The following SEPTIN6 variants were observed in gnomAD, a reference collection of about 807,000 sequenced individuals.
SEPTIN6 encodes septin-6.
Under a neutral mutation model 33.6 loss-of-function variants are expected in SEPTIN6, and 8 were observed. That is an observed-to-expected ratio of 0.24 (90% confidence interval 0.14 to 0.43). SEPTIN6 has a LOEUF of 0.43. Among genes scored for constraint, SEPTIN6 ranks in the 20% least tolerant of loss-of-function variants. The pLI is 1.00. For missense variants in SEPTIN6, 250 were observed against 340.8 expected, an observed-to-expected ratio of 0.73 and a Z score of 2.10; for synonymous variants, 131 against 140.0, an observed-to-expected ratio of 0.94 and a Z score of 0.45.
intron 7 of SEPTIN6, among the ~76,000 whole-genome samples, chrX:119,636,603 CCTGT>C (rs368463240): frequency 1.6e-4 from 18 of 111,376 alleles, no homozygotes; most frequent in African/African-American, 5.5e-4. Flanking sequence ...AGACTAGAAA[CCTGT>C]CTGAGCGCCA....
rs1008184249 is a variant in SEPTIN6 at position 119,619,082 on chromosome X, T to C, written c.*1011A>G. On this transcript the variant is annotated 3_prime_UTR_variant, in exon 11 of 11. Transcript: ENST00000394610. ...TTCTTATTGGGGGATGCATGCAAAA[T>C]GCATGTTAAAAATCATCATGACATT... 11 of 915,246 alleles carry C rather than the reference T, an allele frequency of 1.2e-5. No individual in the cohort carries two copies. In the African/African-American group the frequency reaches 2.1e-4, roughly 17 times the overall value. The allele number at this position is 915,246 out of a possible 1,213,427, so 75.4% of individuals were successfully genotyped here. A position where few individuals can be genotyped will look rare whatever the true frequency, so the allele number is the denominator to read the frequency against.
At position 119,617,184 on chromosome X, in the gene SEPTIN6, G is replaced by A. The variant is rs1218797867; in HGVS notation, c.*2909C>T. 8.7e-6 allele frequency: 7 copies of A among 806,832 alleles called. No homozygotes were observed. The African/African-American group carries it at 1.1e-4, about 13-fold the overall frequency. The allele number at this position is 806,832 out of a possible 1,213,427, so 66.5% of individuals were successfully genotyped here. A position where few individuals can be genotyped will look rare whatever the true frequency, so the allele number is the denominator to read the frequency against. ...GCCACTCCAGTCTGGGAAAATAAAA[G>A]CACAGACCATTTCTAATGACTGGTT... On this transcript the variant is annotated 3_prime_UTR_variant, in exon 11 of 11. Transcript: ENST00000394610.
At chrX:119,634,825 A>C (rs1444660727) in intron 7 of SEPTIN6, among the ~76,000 whole-genome samples, 1 of 109,380 alleles carries the variant, frequency 9.1e-6, no homozygotes, top group African/African-American at 3.3e-5. Context: ...CCTGGCCAAT[A>C]TGGTGAAACC....
chrX:119,666,983 G>C (rs2054651883), intron 2 of SEPTIN6, among the ~76,000 whole-genome samples: 2 of 110,997 alleles, frequency 1.8e-5, no homozygotes, highest in African/African-American at 3.3e-5. Context: ...ACTGAGGTTT[G>C]AGCTACAGTT....
At chrX:119,665,755 C>G (rs1428322184) in intron 2 of SEPTIN6, among the ~76,000 whole-genome samples, 1 of 110,879 alleles carries the variant, frequency 9.0e-6, no homozygotes, top group Non-Finnish European at 1.9e-5. Flanking sequence ...CTCAGCCCAC[C>G]CCAAGTGACT....
intron 10 of SEPTIN6, 106 bp from the exon 11 acceptor site, chrX:119,620,157 G>A (rs2053725407): frequency 1.6e-6 from 1 of 618,428 alleles, no homozygotes; most frequent in Admixed American, 3.2e-5. Context: ...GGCTAAATTA[G>A]AATATAGCTA....
rs754220112 is a variant in SEPTIN6 at position 119,653,183 on chromosome X, C to G, written c.342-143G>C. ...TTCTCCATCTCCCTTCAGTGGGCCT[C>G]CAATCTTGTCAGCCTGGCCACCTTC... On this transcript the variant is annotated intron_variant, in intron 3 of 10. Transcript: ENST00000394610. 6.0e-6 allele frequency: 3 copies of G among 496,658 alleles called. No individual in the cohort carries two copies. In the African/African-American group the frequency reaches 7.2e-5, roughly 12 times the overall value. The allele number at this position is 496,658 out of a possible 1,213,427, so 40.9% of individuals were successfully genotyped here. A position where few individuals can be genotyped will look rare whatever the true frequency, so the allele number is the denominator to read the frequency against.
chrX:119,616,938 A>G (rs2053673981), downstream of SEPTIN6: 1 of 1,053,300 alleles, frequency 9.5e-7, no homozygotes, highest in Admixed American at 4.0e-5. Context: ...AGAACACCAC[A>G]CACCAGTTTA....
intron 5 of SEPTIN6, among the ~76,000 whole-genome samples, chrX:119,647,483 C>CTTTTTTTTTTTTTTT (rs61037430): frequency 1.1e-3 from 81 of 74,373 alleles, no homozygotes; most frequent in East Asian, 1.6e-3. Context: ...TTCTCTCTCT[C>CTTTTTTTTTTTTTTT]TTTTTTTTTT....
chrX:119,622,053 C>CA (rs60920941), intron 10 of SEPTIN6, among the ~76,000 whole-genome samples: 47,889 of 106,679 alleles, frequency 0.45, 9,407 homozygotes, highest in East Asian at 0.71. Flanking sequence ...ACAACAACAA[C>CA]AAAAAAAAAC....
At chrX:119,680,132 T>A (rs906178572) in intron 1 of SEPTIN6, among the ~76,000 whole-genome samples, 2 of 111,634 alleles carry the variant, frequency 1.8e-5, no homozygotes, top group Non-Finnish European at 3.8e-5. Flanking sequence ...AACATACAGA[T>A]AATAATAAAG....
intron 9 of SEPTIN6, among the ~76,000 whole-genome samples, chrX:119,628,040 T>C (rs1403922255): frequency 2.8e-5 from 3 of 108,684 alleles, no homozygotes; most frequent in Non-Finnish European, 5.7e-5. Context: ...ACTCAAGTGA[T>C]CCACCCGCCT....
At chrX:119,647,483 C>CTCTTTTTTTTTTTTTTT (rs376139472) in intron 5 of SEPTIN6, among the ~76,000 whole-genome samples, 1 of 74,409 alleles carries the variant, frequency 1.3e-5, no homozygotes, top group African/African-American at 6.1e-5. Flanking sequence ...TTCTCTCTCT[C>CTCTTTTTTTTTTTTTTT]TTTTTTTTTT....
At position 119,637,654 on chromosome X, in the gene SEPTIN6, T is replaced by C. The variant is rs5909645; in HGVS notation, c.788-459A>G. Among the ~76,000 whole-genome samples the C allele has an allele frequency of 2.0e-3, 181 of 91,879 alleles. 1 individual carries two copies. The highest frequency in any genetic ancestry group is 5.7e-3 in the Middle Eastern group (1 of 175). 79.8% of individuals were successfully genotyped at this position (91,879 alleles called of 115,157 possible). ...CCATCCACTCATCCATCCATCTATC[T>C]ATCCATCCATCCATCCATCCATCCA... On this transcript the variant is annotated intron_variant, in intron 6 of 10. Transcript: ENST00000394610.
rs1370000497 is a variant in SEPTIN6, at chrX:119,693,097, C to A, written c.9G>T (p.Ala3=). 8.5e-7 allele frequency: 1 copy of A among 1,170,936 alleles called. No homozygotes were observed. The highest frequency in any genetic ancestry group is 1.1e-6 in the Non-Finnish European group (1 of 874,824). MA[A]TDIARQVGEG... Reference sequence around the variant, plus strand: ...TTACCACCTGGCGAGCTATATCGGTCGCTGCCATCGCTCCTGCGTCCGCCA... The same window carrying A: ...TTACCACCTGGCGAGCTATATCGGTAGCTGCCATCGCTCCTGCGTCCGCCA... The change falls in exon 1 of 11, where the codon GCG becomes GCT. Residue 3 remains alanine, a synonymous_variant. Coordinates refer to ENST00000394610, the MANE Select transcript of SEPTIN6 (RefSeq NM_145799.4).
chrX:119,620,257 G>A (rs1231045500), intron 10 of SEPTIN6, among the ~76,000 whole-genome samples: 1 of 110,389 alleles, frequency 9.1e-6, no homozygotes, highest in Non-Finnish European at 1.9e-5. Flanking sequence ...CATGATGGCA[G>A]CAGTGGCATT....
At chrX:119,626,841 C>T (rs978933264) in intron 9 of SEPTIN6, among the ~76,000 whole-genome samples, 1 of 110,652 alleles carries the variant, frequency 9.0e-6, no homozygotes, top group Non-Finnish European at 1.9e-5. Context: ...TGTGGGCCAC[C>T]ATGCCCAGCT....
chrX:119,687,682 G>T (rs2055083319), intron 1 of SEPTIN6, among the ~76,000 whole-genome samples: 1 of 112,039 alleles, frequency 8.9e-6, no homozygotes, highest in Admixed American at 9.5e-5. Flanking sequence ...CTTAGTTTGG[G>T]AATACCTTTT....
intron 10 of SEPTIN6, among the ~76,000 whole-genome samples, chrX:119,623,498 T>C (rs1365131799): frequency 8.9e-6 from 1 of 111,960 alleles, no homozygotes; most frequent in Non-Finnish European, 1.9e-5. Context: ...TATCCTCTTA[T>C]TTTGCTCATG....
Sources: gnomAD v4.1 joint callset for allele counts (sites outside exome capture counted in the v4.1 genomes callset) on GRCh38, gnomAD v4.1.1 for gene constraint, MANE v1.5 for transcripts, NCBI Gene and HGNC (gene_info 2026-07-23, HGNC 2026-07-21) for gene names.